NEBL: variants seen among roughly 807,000 people sequenced by gnomAD.
NEBL encodes the protein nebulette.
Under a neutral mutation model 140.2 loss-of-function variants are expected in NEBL, and 122 were observed. The observed-to-expected ratio is 0.87, with a 90% CI of 0.75 to 1.01. The LOEUF (loss-of-function observed/expected upper bound fraction) is 1.01, where lower values mean the gene tolerates loss of function less well. Among genes scored for constraint, NEBL ranks in the 50% least tolerant of loss-of-function variants. NEBL has a pLI of 0.00. For synonymous variants in NEBL, 436 were observed against 398.9 expected, an observed-to-expected ratio of 1.09 and a Z score of -1.11; for missense variants, 1,365 against 1,231.3, an observed-to-expected ratio of 1.11 and a Z score of -1.62.
chr10:21,190,537 T>G (rs1225635254), intron 3 of NEBL, among the ~76,000 whole-genome samples: 1 of 152,112 alleles, frequency 6.6e-6, no homozygotes, highest in African/African-American at 2.4e-5. Context: ...TCTGAGTAGT[T>G]AATAAGAACT....
chr10:21,110,661 C>T (rs773108017), intron 2 of NEBL: 1 of 434,098 alleles, frequency 2.3e-6, no homozygotes, highest in Non-Finnish European at 4.5e-6. Context: ...TCTCTCCTAC[C>T]TAAGCATATG....
chr10:20,909,055 A>G (rs894386548), intron 4 of NEBL, among the ~76,000 whole-genome samples: 2 of 152,032 alleles, frequency 1.3e-5, no homozygotes, highest in Non-Finnish European at 2.9e-5. Context: ...TATGGGGTAC[A>G]TGAAATGTTT....
intron 4 of NEBL, among the ~76,000 whole-genome samples, chr10:20,932,969 A>G (rs768992318): frequency 5.9e-5 from 9 of 152,250 alleles, no homozygotes; most frequent in Non-Finnish European, 1.3e-4. Context: ...TTGCATGCAG[A>G]AAACCCATTT....
chr10:20,856,763 T>C (rs560454689), intron 9 of NEBL, among the ~76,000 whole-genome samples: 12 of 152,182 alleles, frequency 7.9e-5, no homozygotes, highest in Non-Finnish European at 1.6e-4. Flanking sequence ...CCTGGGAACA[T>C]TAATGTACTG....
At chr10:20,952,904 CAAAAAAAAAAAA>C (rs34713711) in intron 4 of NEBL, among the ~76,000 whole-genome samples, 3 of 62,356 alleles carry the variant, frequency 4.8e-5, no homozygotes, top group Admixed American at 4.5e-4. Context: ...GACCCTGTCT[CAAAAAAAAAAAA>C]AAAAAAAAAG....
intron 2 of NEBL, among the ~76,000 whole-genome samples, chr10:21,098,359 C>T (rs1038113243): frequency 6.6e-6 from 1 of 152,160 alleles, no homozygotes; most frequent in Admixed American, 6.5e-5. Context: ...CTCTTTGCAG[C>T]CCTACAACTC....
At chr10:21,100,028 C>A (rs1035495854) in intron 2 of NEBL, among the ~76,000 whole-genome samples, 4 of 152,166 alleles carry the variant, frequency 2.6e-5, no homozygotes, top group Admixed American at 1.3e-4. Context: ...CTTAAAAACA[C>A]GCCCAATAAC....
rs1451186860 is a variant in NEBL at position 21,084,454 on chromosome 10, C to G, written c.165-64253G>C. On this transcript the variant is annotated intron_variant, in intron 2 of 6. Coordinates refer to the NEBL transcript ENST00000417816. ...TAAAAGGCCAATGTTAAAACTAAGT[C>G]TCAGCCTGTAATCCTAGCTACTGGG... Among the ~76,000 whole-genome samples, 7 of 151,958 alleles carry G rather than the reference C, an allele frequency of 4.6e-5. No individual in the cohort carries two copies. The East Asian group carries it at 1.4e-3, about 29-fold the overall frequency.
In NEBL at chr10:20,785,915, G is replaced by A. The variant is rs1310831173; in HGVS notation, c.2877C>T (p.Tyr959=). The A allele has an allele frequency of 1.2e-6, 2 of 1,613,760 alleles. No individual in the cohort carries two copies. The highest frequency in any genetic ancestry group is 2.2e-5 in the East Asian group (1 of 44,862). Residue 959 remains tyrosine (Y), a synonymous_variant, in exon 28 of 28, where the codon TAC becomes TAT. Coordinates refer to ENST00000377122, the MANE Select transcript of NEBL (RefSeq NM_006393.3). ...GGGCACTGTAATCGTACATGGCTCG[G>A]TAGGTCCTCTGAGAAAGGAAGAAGG... ...SMQHSPNLRT[Y]RAMYDYSAQD... is the part of the protein sequence containing the mutation.
chr10:20,806,809 GAAGTA>G (rs1244195830), intron 26 of NEBL, among the ~76,000 whole-genome samples: 1 of 152,220 alleles, frequency 6.6e-6, no homozygotes, highest in Non-Finnish European at 1.5e-5. Flanking sequence ...GGATAGACAT[GAAGTA>G]AAGGGTCATT....
chr10:21,174,339 C>G (rs1309535311), upstream of NEBL: 5 of 152,298 alleles, frequency 3.3e-5, no homozygotes, highest in African/African-American at 1.2e-4. Flanking sequence ...GGGAGTGAGC[C>G]TCGCGCCACC....
chr10:20,933,840 T>C (rs1487564830), intron 4 of NEBL, among the ~76,000 whole-genome samples: 1 of 152,126 alleles, frequency 6.6e-6, no homozygotes, highest in East Asian at 1.9e-4. Context: ...CTCCACTCAG[T>C]TCTAGTTCTC....
chr10:21,247,291 A>T (rs1019974557), intron 3 of NEBL, among the ~76,000 whole-genome samples: 2 of 152,254 alleles, frequency 1.3e-5, no homozygotes, highest in Admixed American at 1.3e-4. Context: ...AATGGAACAG[A>T]CTATTGATAC....
intron 2 of NEBL, among the ~76,000 whole-genome samples, chr10:21,091,959 C>T (rs1293107414): frequency 1.3e-5 from 2 of 152,216 alleles, no homozygotes; most frequent in Non-Finnish European, 2.9e-5. Context: ...TTTTTCTCAT[C>T]TTGCATTTGC....
At chr10:20,858,391 T>C (rs751510870) in intron 8 of NEBL, 47 bp from the exon 9 acceptor site, 15 of 1,436,032 alleles carry the variant, frequency 1.0e-5, no homozygotes, top group Non-Finnish European at 1.4e-5. Flanking sequence ...GAAGAAAATA[T>C]TATGCTTTTG....
chr10:20,930,346 C>A (rs1277496456), intron 4 of NEBL, among the ~76,000 whole-genome samples: 3 of 152,256 alleles, frequency 2.0e-5, no homozygotes, highest in Middle Eastern at 6.8e-3. Context: ...AATTCATCTT[C>A]TTTTCTCCAT....
chr10:20,961,878 A>G, intron 3 of NEBL: 1 of 869,594 alleles, frequency 1.1e-6, no homozygotes, highest in South Asian at 1.4e-5. Flanking sequence ...AACAATGGCT[A>G]AAAACACAGA....
At chr10:20,827,126 A>T (rs1433235136) in intron 17 of NEBL, among the ~76,000 whole-genome samples, 1 of 152,190 alleles carries the variant, frequency 6.6e-6, no homozygotes, top group Non-Finnish European at 1.5e-5. Flanking sequence ...CAAAAACACA[A>T]GAGTATTTAT....
At chr10:21,152,976 C>A (rs969741064) in intron 2 of NEBL, among the ~76,000 whole-genome samples, 1 of 152,200 alleles carries the variant, frequency 6.6e-6, no homozygotes, top group Non-Finnish European at 1.5e-5. Flanking sequence ...TTGGTCTCAA[C>A]CTCCCTTTTC....
Sources: allele counts gnomAD v4.1 joint callset (sites outside exome capture counted in the v4.1 genomes callset), GRCh38; gene constraint gnomAD v4.1.1; transcripts MANE v1.5; gene names NCBI Gene and HGNC (gene_info 2026-07-23, HGNC 2026-07-21).